PTPRM: variants seen among roughly 807,000 people sequenced by gnomAD.
PTPRM encodes the protein receptor-type tyrosine-protein phosphatase mu.
Under a neutral mutation model 186.7 loss-of-function variants are expected in PTPRM, and 47 were observed. That is an observed-to-expected ratio of 0.25 (90% confidence interval 0.20 to 0.32). The LOEUF is 0.32. PTPRM is among the 10% of genes least tolerant of loss of function. The pLI is 1.00. For synonymous variants in PTPRM, 668 were observed against 674.9 expected (o/e 0.99, Z 0.16); for missense variants, 1,494 against 1,865.0 (o/e 0.80, Z 3.66).
chr18:8,281,653 G>A (rs908957967), intron 19 of PTPRM, among the ~76,000 whole-genome samples: 1 of 152,068 alleles, frequency 6.6e-6, no homozygotes, highest in African/African-American at 2.4e-5. Flanking sequence ...CCTAAGAAAT[G>A]AGTGCCACCT....
At chr18:7,574,956 C>T (rs1306161760) in intron 1 of PTPRM, among the ~76,000 whole-genome samples, 6 of 152,100 alleles carry the variant, frequency 3.9e-5, no homozygotes, top group African/African-American at 1.4e-4. Flanking sequence ...GGCGTGAACC[C>T]GGGAGGCGGA....
In PTPRM at chr18:8,387,246, GAC is replaced by G; in HGVS notation, c.4208+13_4208+14del. The G allele has an allele frequency of 6.2e-7, 1 of 1,611,048 alleles. No homozygotes were observed. On this transcript the variant is annotated intron_variant, in intron 31 of 32. Transcript: ENST00000580170. Reference sequence around the variant, plus strand: ...GGTTGTGCACTGCTTGTAAGTGCTTGACAGAGCTCTTCATTTCAGAACAGCGA... The same window carrying G: ...GGTTGTGCACTGCTTGTAAGTGCTTGAGAGCTCTTCATTTCAGAACAGCGA...
intron 1 of PTPRM, among the ~76,000 whole-genome samples, chr18:7,583,717 C>T (rs961652748): frequency 7.9e-5 from 12 of 152,288 alleles, no homozygotes; most frequent in African/African-American, 2.9e-4. Flanking sequence ...TGTCTTTTCT[C>T]TGGTTACAAA....
intron 2 of PTPRM, among the ~76,000 whole-genome samples, chr18:7,848,132 C>G (rs1212299066): frequency 1.3e-5 from 2 of 152,198 alleles, no homozygotes; most frequent in Admixed American, 1.3e-4. Context: ...TTGGTCTCCC[C>G]CTTCACTGTC....
At chr18:8,125,470 C>A (rs2092309604) in intron 13 of PTPRM, among the ~76,000 whole-genome samples, 1 of 152,094 alleles carries the variant, frequency 6.6e-6, no homozygotes. Context: ...GTACTTCCAA[C>A]ACTACTCACT....
intron 2 of PTPRM, among the ~76,000 whole-genome samples, chr18:7,791,465 A>G (rs1041822421): frequency 1.3e-5 from 2 of 152,194 alleles, no homozygotes; most frequent in Non-Finnish European, 2.9e-5. Context: ...ACACATAGAC[A>G]TCCTGGTTGA....
intron 1 of PTPRM, among the ~76,000 whole-genome samples, chr18:7,700,772 C>T (rs1274257243): frequency 6.6e-6 from 1 of 151,934 alleles, no homozygotes; most frequent in Non-Finnish European, 1.5e-5. Flanking sequence ...AGGAGGATTA[C>T]TTTAGCTCAG....
intron 1 of PTPRM, among the ~76,000 whole-genome samples, chr18:7,673,529 A>C (rs866699388): frequency 6.6e-6 from 1 of 152,198 alleles, no homozygotes; most frequent in Non-Finnish European, 1.5e-5. Flanking sequence ...ACAAATGAAA[A>C]CACAGGAATC....
chr18:7,835,714 CGCT>C (rs1322399587), intron 2 of PTPRM, among the ~76,000 whole-genome samples: 1 of 150,402 alleles, frequency 6.6e-6, no homozygotes, highest in African/African-American at 2.5e-5. Context: ...CTCTCTTTAG[CGCT>C]AATAATATTT....
chr18:7,593,373 G>T (rs1429734955), intron 1 of PTPRM, among the ~76,000 whole-genome samples: 23 of 152,168 alleles, frequency 1.5e-4, no homozygotes, highest in Non-Finnish European at 8.8e-5. Flanking sequence ...CACCACACAG[G>T]CAGCATTCAC....
intron 14 of PTPRM, among the ~76,000 whole-genome samples, chr18:8,231,250 C>T (rs972213944): frequency 2.6e-5 from 4 of 152,090 alleles, no homozygotes; most frequent in Non-Finnish European, 4.4e-5. Context: ...GGAACCATGG[C>T]CTGTGACCTT....
intron 20 of PTPRM, among the ~76,000 whole-genome samples, chr18:8,314,089 T>TTAAATATAACTAATTAATACCA (rs2095290073): frequency 6.6e-6 from 1 of 152,228 alleles, no homozygotes; most frequent in Non-Finnish European, 1.5e-5. Flanking sequence ...CTGGAAATAC[T>TTAAATATAACTAATTAATACCA]TAAATATAAC....
At chr18:8,269,435 G>C (rs760304583) in intron 19 of PTPRM, among the ~76,000 whole-genome samples, 1 of 151,822 alleles carries the variant, frequency 6.6e-6, no homozygotes, top group South Asian at 2.1e-4. Flanking sequence ...GGATTGGAAG[G>C]CTTAATATTG....
intron 20 of PTPRM, among the ~76,000 whole-genome samples, chr18:8,302,500 G>C (rs997374255): frequency 3.3e-5 from 5 of 151,980 alleles, no homozygotes; most frequent in Admixed American, 1.3e-4. Flanking sequence ...GGGTTGGGGG[G>C]GTGTTAATAA....
intron 1 of PTPRM, among the ~76,000 whole-genome samples, chr18:7,730,388 A>G (rs2027671): frequency 0.067 from 10,123 of 152,136 alleles, 879 homozygotes; most frequent in African/African-American, 0.19. Flanking sequence ...TAGAGTTCCT[A>G]TGGTTCCTCC....
chr18:8,374,127 T>C (rs2095681077), intron 24 of PTPRM, among the ~76,000 whole-genome samples: 2 of 152,190 alleles, frequency 1.3e-5, no homozygotes, highest in African/African-American at 4.8e-5. Flanking sequence ...GCCACTCTTG[T>C]CAATAGCAAA....
intron 14 of PTPRM, among the ~76,000 whole-genome samples, chr18:8,240,582 T>C (rs1386754848): frequency 9.4e-6 from 1 of 106,924 alleles, no homozygotes; most frequent in East Asian, 2.9e-4. Flanking sequence ...AATTGAAAGT[T>C]TGTGGCAACC....
Position 8,406,851 on chromosome 18 carries a change from TG to T in PTPRM, c.*690del, listed in dbSNP as rs1253280463. 1 of 152,272 alleles carries T rather than the reference TG, an allele frequency of 6.6e-6. No homozygotes were observed. Among genetic ancestry groups the T allele is most frequent in the East Asian group, 1.9e-4 (1 of 5,200 alleles). 9.4% of individuals were successfully genotyped at this position (152,272 alleles called of 1,614,324 possible). A position where few individuals can be genotyped will look rare whatever the true frequency, so the allele number is the denominator to read the frequency against. On this transcript the variant is annotated 3_prime_UTR_variant, in exon 33 of 33. Transcript: ENST00000580170. ...TTATTTATTCATTAAAAGAAATTTT[TG>T]TGAAGCACAGTGAGTGACAATCATT...
intron 14 of PTPRM, among the ~76,000 whole-genome samples, chr18:8,192,014 T>C (rs989219227): frequency 6.6e-6 from 1 of 151,794 alleles, no homozygotes; most frequent in African/African-American, 2.4e-5. Context: ...TCTTAAGCTT[T>C]ATTTAGATTT....
Sources: allele counts gnomAD v4.1 joint callset (sites outside exome capture counted in the v4.1 genomes callset), GRCh38; gene constraint gnomAD v4.1.1; transcripts MANE v1.5; gene names NCBI Gene and HGNC (gene_info 2026-07-23, HGNC 2026-07-21).